PALLD: variants seen among roughly 807,000 people sequenced by gnomAD.
The protein encoded by PALLD is palladin.
Under a neutral mutation model 123.5 loss-of-function variants are expected in PALLD, and 61 were observed. The observed-to-expected ratio is 0.49, with a 90% CI of 0.40 to 0.61. PALLD has a LOEUF of 0.61. Among genes scored for constraint, PALLD ranks in the 20% least tolerant of loss-of-function variants. The probability of loss-of-function intolerance (pLI) is 0.00; values close to 1 mark genes in which losing one functional copy is unlikely to be tolerated. For synonymous variants in PALLD, 465 were observed against 496.4 expected (o/e 0.94, Z 0.84); for missense variants, 1,273 against 1,377.0 (o/e 0.92, Z 1.20).
intron 20 of PALLD, 58 bp from the exon 21 acceptor site, chr4:168,925,175 T>A: frequency 6.4e-7 from 1 of 1,573,666 alleles, no homozygotes; most frequent in Non-Finnish European, 8.7e-7. Context: ...TATAAACAAC[T>A]ATTGTGTTTT....
At chr4:168,733,901 AT>A (rs1196060171) in intron 10 of PALLD, among the ~76,000 whole-genome samples, 21 of 152,062 alleles carry the variant, frequency 1.4e-4, no homozygotes, top group East Asian at 9.7e-4. Context: ...CACCTGGCTA[AT>A]TTTTTTGTAT....
At chr4:168,906,024 A>G (rs1757730492) in intron 15 of PALLD, among the ~76,000 whole-genome samples, 1 of 151,894 alleles carries the variant, frequency 6.6e-6, no homozygotes, top group African/African-American at 2.4e-5. Flanking sequence ...TTTTCAGTGC[A>G]TTTCCTTGAC....
At chr4:168,537,019 A>G (rs1362748311) in intron 2 of PALLD, among the ~76,000 whole-genome samples, 1 of 151,986 alleles carries the variant, frequency 6.6e-6, no homozygotes, top group Non-Finnish European at 1.5e-5. Flanking sequence ...TAGTAGAGAC[A>G]GTTTCATCGT....
chr4:168,500,466 C>T (rs1761283905), intron 1 of PALLD, among the ~76,000 whole-genome samples: 1 of 152,174 alleles, frequency 6.6e-6, no homozygotes, highest in Admixed American at 6.5e-5. Flanking sequence ...TGGACTCAGA[C>T]AATCCTCCCA....
intron 2 of PALLD, among the ~76,000 whole-genome samples, chr4:168,624,562 C>T (rs936122108): frequency 6.6e-6 from 1 of 152,062 alleles, no homozygotes; most frequent in Non-Finnish European, 1.5e-5. Flanking sequence ...CCCACTCTTA[C>T]TACTGTTATT....
chr4:168,845,019 A>C (rs1746608871), intron 10 of PALLD, among the ~76,000 whole-genome samples: 1 of 150,904 alleles, frequency 6.6e-6, no homozygotes, highest in Non-Finnish European at 1.5e-5. Flanking sequence ...AAGAGCTGAG[A>C]GTGGAGAGTT....
intron 10 of PALLD, among the ~76,000 whole-genome samples, chr4:168,776,776 T>C (rs921862429): frequency 1.3e-5 from 2 of 152,244 alleles, no homozygotes; most frequent in Non-Finnish European, 2.9e-5. Context: ...AAATTATATC[T>C]GTTGATTTTC....
intron 15 of PALLD, among the ~76,000 whole-genome samples, chr4:168,912,409 G>C (rs1197812559): frequency 6.6e-6 from 1 of 152,120 alleles, no homozygotes; most frequent in Non-Finnish European, 1.5e-5. Flanking sequence ...TCTTCTGAGA[G>C]AGTGAAGGAG....
intron 2 of PALLD, among the ~76,000 whole-genome samples, chr4:168,552,849 A>T (rs372849407): frequency 8.8e-4 from 133 of 151,786 alleles, no homozygotes; most frequent in African/African-American, 3.1e-3. Context: ...CTAATTTTTT[A>T]ATTTTTAATA....
At chr4:168,836,635 G>A (rs1745234576) in intron 10 of PALLD, among the ~76,000 whole-genome samples, 1 of 152,194 alleles carries the variant, frequency 6.6e-6, no homozygotes, top group South Asian at 2.1e-4. Flanking sequence ...GGCAAACAGA[G>A]ATGAAGTACT....
Position 168,595,242 on chromosome 4 carries a change from G to A in PALLD, c.909-72948G>A, listed in dbSNP as rs182011071. Among the ~76,000 whole-genome samples the A allele has an allele frequency of 4.6e-5, 7 of 152,252 alleles. No individual in the cohort carries two copies. The East Asian group carries it at 1.4e-3, about 29-fold the overall frequency. ...TTTCTTTAACAATACCTGTTTATGT[G>A]CATGCCTAGAACCAATTAAATACTG... On this transcript the variant is annotated intron_variant, in intron 2 of 21. Coordinates refer to ENST00000505667, the MANE Select transcript of PALLD (RefSeq NM_001166108.2).
rs182402718 is a variant in PALLD at position 168,735,425 on chromosome 4, G to A, written c.1964+23502G>A. Among the ~76,000 whole-genome samples, 106 of 152,238 alleles carry A rather than the reference G, an allele frequency of 7.0e-4. 1 individual carries two copies. Among genetic ancestry groups the A allele is most frequent in the African/African-American group, 2.1e-3 (86 of 41,546 alleles). On this transcript the variant is annotated intron_variant, in intron 10 of 21. Transcript: ENST00000505667. ...GAGAACAGCTTTAAGAAAAGAAAACGTCACTCCTACTCATGTTAACCACCT... is the reference window on the plus strand; with the variant it reads ...GAGAACAGCTTTAAGAAAAGAAAACATCACTCCTACTCATGTTAACCACCT...
chr4:168,515,132 G>GAGCATAGAT (rs1275164408), intron 2 of PALLD, among the ~76,000 whole-genome samples: 1 of 152,138 alleles, frequency 6.6e-6, no homozygotes, highest in Admixed American at 6.6e-5. Flanking sequence ...TTGAGAGGGA[G>GAGCATAGAT]AGCATAGATG....
In PALLD at chr4:168,592,137, C is replaced by T. The variant is rs571065452; in HGVS notation, c.909-76053C>T. ...GTTCAAGCGATTCTCCTGCCTCAGC[C>T]TCCTGAGTAGCTGGGATTACAGGTG... On this transcript the variant is annotated intron_variant, in intron 2 of 21. Coordinates refer to ENST00000505667, the MANE Select transcript of PALLD (RefSeq NM_001166108.2). Among the ~76,000 whole-genome samples, 4 of 152,008 alleles carry T rather than the reference C, an allele frequency of 2.6e-5. No individual in the cohort carries two copies. In the South Asian group the frequency reaches 6.2e-4, roughly 24 times the overall value.
intron 2 of PALLD, among the ~76,000 whole-genome samples, chr4:168,613,175 G>A (rs72982770): frequency 0.074 from 11,330 of 152,172 alleles, 1,340 homozygotes; most frequent in African/African-American, 0.25. Context: ...GCCTTGTAGA[G>A]TGACCAACCA....
At chr4:168,765,410 G>A (rs1301689096) in intron 10 of PALLD, among the ~76,000 whole-genome samples, 1 of 152,068 alleles carries the variant, frequency 6.6e-6, no homozygotes, top group Non-Finnish European at 1.5e-5. Context: ...ACAAGGGTAG[G>A]AATGTACTGG....
intron 10 of PALLD, among the ~76,000 whole-genome samples, chr4:168,797,239 T>C (rs898752181): frequency 6.6e-6 from 1 of 151,746 alleles, no homozygotes; most frequent in African/African-American, 2.4e-5. Flanking sequence ...TGCTTTCGAA[T>C]GTTCATAGGC....
At chr4:168,774,727 C>CAAAAA (rs56364164) in intron 10 of PALLD, among the ~76,000 whole-genome samples, 7 of 73,226 alleles carry the variant, frequency 9.6e-5, no homozygotes, top group African/African-American at 1.5e-4. Context: ...GACTGCATCT[C>CAAAAA]AAAAAAAAAA....
rs536506548 is a variant in PALLD, at chr4:168,639,631, C to T, written c.909-28559C>T. ...TGATCTTGGCTCACTGCAAGCTCCA[C>T]CTCCCAGGTTCACACCATTCTCCTG... On this transcript the variant is annotated intron_variant, in intron 2 of 21. Coordinates refer to ENST00000505667, the MANE Select transcript of PALLD (RefSeq NM_001166108.2). Among the ~76,000 whole-genome samples the T allele has an allele frequency of 3.4e-4, 51 of 151,840 alleles. No homozygotes were observed. In the East Asian group the frequency reaches 6.8e-3, roughly 20 times the overall value.
Sources: gnomAD v4.1 joint callset for allele counts (sites outside exome capture counted in the v4.1 genomes callset) on GRCh38, gnomAD v4.1.1 for gene constraint, MANE v1.5 for transcripts, NCBI Gene and HGNC (gene_info 2026-07-23, HGNC 2026-07-21) for gene names.